IFT88: variants seen among roughly 807,000 people sequenced by gnomAD.
IFT88 encodes intraflagellar transport protein 88 homolog.
Under a neutral mutation model 119.5 loss-of-function variants are expected in IFT88, and 74 were observed. The observed-to-expected ratio is 0.62, with a 90% CI of 0.51 to 0.75. IFT88 has a LOEUF of 0.75. Among genes scored for constraint, IFT88 ranks in the 30% least tolerant of loss-of-function variants. The pLI, the probability that IFT88 is intolerant of heterozygous loss-of-function variation, is 0.00. For missense variants in IFT88, 961 were observed against 977.7 expected (o/e 0.98, Z 0.23); for synonymous variants, 279 against 316.7 (o/e 0.88, Z 1.26).
At chr13:20,665,234 A>C (rs2054499298) in intron 23 of IFT88, among the ~76,000 whole-genome samples, 1 of 152,226 alleles carries the variant, frequency 6.6e-6, no homozygotes, top group Non-Finnish European at 1.5e-5. Context: ...GTAATCAGGA[A>C]ACAATGCCAA....
intron 15 of IFT88, among the ~76,000 whole-genome samples, chr13:20,627,433 T>C (rs1428054602): frequency 1.3e-5 from 2 of 152,092 alleles, no homozygotes; most frequent in Non-Finnish European, 2.9e-5. Context: ...ATGATCTTTT[T>C]AGAAAGGGTT....
chr13:20,656,194 A>AGG (rs2140620167), intron 21 of IFT88, among the ~76,000 whole-genome samples, 171 bp from the exon 22 acceptor site: 2 of 151,498 alleles, frequency 1.3e-5, no homozygotes, highest in East Asian at 3.9e-4. Context: ...CTTATTTCAA[A>AGG]TTTATTTTAT....
intron 18 of IFT88, 89 bp from the exon 19 acceptor site, chr13:20,643,366 A>G (rs1195694007): frequency 2.0e-6 from 2 of 1,005,044 alleles, no homozygotes; most frequent in Admixed American, 2.4e-5. Flanking sequence ...ACTGTAGGCT[A>G]AGAAATATTG....
At chr13:20,587,981 C>T (rs1185491475) in intron 3 of IFT88, among the ~76,000 whole-genome samples, 2 of 135,336 alleles carry the variant, frequency 1.5e-5, no homozygotes, top group African/African-American at 2.7e-5. Flanking sequence ...TTTAAATTTG[C>T]TATCTTACTA....
chr13:20,658,098 ATT>A (rs763686060), intron 22 of IFT88, among the ~76,000 whole-genome samples: 5 of 143,202 alleles, frequency 3.5e-5, no homozygotes, highest in Non-Finnish European at 4.6e-5. Context: ...TAATTCTAGA[ATT>A]TTTTTTTTTT....
At chr13:20,633,925 A>G (rs1206641257) in intron 16 of IFT88, among the ~76,000 whole-genome samples, 2 of 152,176 alleles carry the variant, frequency 1.3e-5, no homozygotes, top group African/African-American at 2.4e-5. Flanking sequence ...CATTCTACCC[A>G]GTGAGCTGGG....
At chr13:20,569,962 G>A (rs761011274) in intron 1 of IFT88, among the ~76,000 whole-genome samples, 2 of 151,706 alleles carry the variant, frequency 1.3e-5, no homozygotes, top group Admixed American at 6.6e-5. Context: ...GGAGAATGGC[G>A]TGAAACTGGG....
chr13:20,608,794 A>C (rs114858768), intron 13 of IFT88, among the ~76,000 whole-genome samples: 1 of 152,196 alleles, frequency 6.6e-6, no homozygotes, highest in African/African-American at 2.4e-5. Context: ...GATTGCAATT[A>C]GCATCCAATT....
At chr13:20,640,879 C>T (rs2049829188) in intron 17 of IFT88, among the ~76,000 whole-genome samples, 1 of 152,140 alleles carries the variant, frequency 6.6e-6, no homozygotes, top group Non-Finnish European at 1.5e-5. Flanking sequence ...GGTGTGGTGG[C>T]TCATACCTGT....
intron 21 of IFT88, among the ~76,000 whole-genome samples, chr13:20,655,888 T>C (rs1300230820): frequency 6.6e-6 from 1 of 152,190 alleles, no homozygotes; most frequent in Non-Finnish European, 1.5e-5. Flanking sequence ...TTTAAATTTG[T>C]CAGTTCATCT....
At position 20,641,304 on chromosome 13, in the gene IFT88, A is replaced by G. The variant is rs1268420195; in HGVS notation, c.1588A>G (p.Lys530Glu). ...ALYNIGLTYE[K>E]LNRLDEALDC... ...CTTTTTTTAAGGCCTTACCTATGAGAAACTAAATCGGCTAGATGAGGCTTT... is the reference window on the plus strand; with the variant it reads ...CTTTTTTTAAGGCCTTACCTATGAGGAACTAAATCGGCTAGATGAGGCTTT... Residue 530 changes from lysine to glutamate, a missense_variant, in exon 18 of 26, where the codon AAA becomes GAA. Physicochemically the swap from Lys to Glu is moderately conservative, Grantham distance 56. Transcript: ENST00000351808. 6.2e-7 allele frequency: 1 copy of G among 1,607,988 alleles called. No homozygotes were observed. Among genetic ancestry groups the G allele is most frequent in the Non-Finnish European group, 8.5e-7 (1 of 1,175,984 alleles).
At chr13:20,615,732 G>A in intron 13 of IFT88, 61 bp from the exon 14 acceptor site, 1 of 930,802 alleles carries the variant, frequency 1.1e-6, no homozygotes, top group Admixed American at 2.6e-5. Context: ...TTAAATTTTA[G>A]GAAATCCAAA....
At chr13:20,603,387 A>C (rs1223228533) in intron 12 of IFT88, among the ~76,000 whole-genome samples, 1 of 76,976 alleles carries the variant, frequency 1.3e-5, no homozygotes, top group African/African-American at 9.6e-5. Context: ...ACTCCATCTC[A>C]AAAAAAAAAA....
Position 20,615,806 on chromosome 13 carries a change from GA to G in IFT88, c.1131del (p.Lys377AsnfsTer4). The G allele has an allele frequency of 1.3e-6, 2 of 1,598,156 alleles. No homozygotes were observed. The highest frequency in any genetic ancestry group is 1.1e-5 in the South Asian group (1 of 88,232). ...QMERERKAMA[E>X]KYIMTSAKLI... Reference sequence around the variant, plus strand: ...TATTTGATATAGGAAAGCCATGGCAGAAAAATATATTATGACATCTGCAAAA... The same window carrying G: ...TATTTGATATAGGAAAGCCATGGCAGAAAATATATTATGACATCTGCAAAA... On this transcript the variant is annotated frameshift_variant, in exon 14 of 26. Coordinates refer to ENST00000351808, the MANE Select transcript of IFT88 (RefSeq NM_006531.5). LOFTEE classifies it high-confidence loss of function.
intron 24 of IFT88, among the ~76,000 whole-genome samples, chr13:20,678,532 T>C (rs1958586572): frequency 6.6e-6 from 1 of 152,242 alleles, no homozygotes; most frequent in South Asian, 2.1e-4. Context: ...AAGCATGTTG[T>C]TAAGGCACAG....
intron 1 of IFT88, among the ~76,000 whole-genome samples, chr13:20,570,976 TTTTA>T (rs998387393): frequency 6.6e-6 from 1 of 151,914 alleles, no homozygotes; most frequent in Non-Finnish European, 1.5e-5. Context: ...AAAATTTATT[TTTTA>T]TTTATTTATT....
At chr13:20,673,334 C>T (rs1222961497) in intron 24 of IFT88, among the ~76,000 whole-genome samples, 2 of 152,190 alleles carry the variant, frequency 1.3e-5, no homozygotes, top group African/African-American at 4.8e-5. Context: ...ATCAGTACCT[C>T]CTAATGGGAT....
At chr13:20,593,440 A>C (rs1370412851) in intron 7 of IFT88, among the ~76,000 whole-genome samples, 1 of 151,712 alleles carries the variant, frequency 6.6e-6, no homozygotes, top group African/African-American at 2.4e-5. Context: ...CTAGTTCCAG[A>C]GCTTGGGCTC....
intron 13 of IFT88, among the ~76,000 whole-genome samples, chr13:20,610,464 C>T (rs2044285467): frequency 6.6e-6 from 1 of 151,906 alleles, no homozygotes; most frequent in South Asian, 2.1e-4. Flanking sequence ...TAATTTTGCA[C>T]TGTGGATATA....
Sources: gnomAD v4.1 joint callset for allele counts (sites outside exome capture counted in the v4.1 genomes callset) on GRCh38, gnomAD v4.1.1 for gene constraint, MANE v1.5 for transcripts, NCBI Gene and HGNC (gene_info 2026-07-23, HGNC 2026-07-21) for gene names.